The following SGPP2 variants were observed in gnomAD, a reference collection of about 807,000 sequenced individuals.
SGPP2 encodes the protein sphingosine 1-phosphate phosphohydrolase 2.
In SGPP2, 30 loss-of-function variants were observed where a neutral mutation model predicts 33.9. That is an observed-to-expected ratio of 0.89 (90% CI 0.66 to 1.20). SGPP2 has a LOEUF of 1.20. Among genes scored for constraint, SGPP2 ranks in the 50% most tolerant of loss-of-function variants. The probability of loss-of-function intolerance (pLI) is 0.00; values close to 1 mark genes in which losing one functional copy is unlikely to be tolerated. For synonymous variants in SGPP2, 233 were observed against 225.0 expected (o/e 1.04, Z -0.32); for missense variants, 458 against 532.1 (o/e 0.86, Z 1.37).
intron 2 of SGPP2, among the ~76,000 whole-genome samples, chr2:222,499,748 T>G (rs1698338668): frequency 6.6e-6 from 1 of 152,182 alleles, no homozygotes. Context: ...CAATTCAGTG[T>G]CATGTGAGTT....
chr2:222,424,730 C>T lies in SGPP2; in HGVS notation c.128C>T (p.Ala43Val). 2 of 1,432,516 alleles carry T rather than the reference C, an allele frequency of 1.4e-6. No homozygotes were observed. Among genetic ancestry groups the T allele is most frequent in the Non-Finnish European group, 1.8e-6 (2 of 1,094,442 alleles). 88.7% of individuals were successfully genotyped at this position (1,432,516 alleles called of 1,614,324 possible). Reference sequence around the variant, plus strand: ...GGCGCGGACCCCACGGAGCGCGCGGCGCGGGTCCCCGGGGTCGAGCATCTC... The same window carrying T: ...GGCGCGGACCCCACGGAGCGCGCGGTGCGGGTCCCCGGGGTCGAGCATCTC... Reference protein sequence around the residue: ...ENGADPTERAARVPGVEHLPA... With the variant: ...ENGADPTERAVRVPGVEHLPA... The change falls in exon 1 of 5, where the codon GCG becomes GTG. Residue 43 changes from alanine to valine, a missense_variant. Coordinates refer to ENST00000321276, the MANE Select transcript of SGPP2 (RefSeq NM_152386.4).
chr2:222,482,691 A>T (rs1698046955), intron 2 of SGPP2, among the ~76,000 whole-genome samples: 1 of 152,098 alleles, frequency 6.6e-6, no homozygotes, highest in African/African-American at 2.4e-5. Context: ...TTCAGTTCAG[A>T]TTTTCAAGAC....
At position 222,550,344 on chromosome 2, in the gene SGPP2, TTCC is replaced by T. The variant is rs1689272200; in HGVS notation, c.649-7998_649-7996del. 6.6e-6 allele frequency among the ~76,000 whole-genome samples: 1 copy of T among 152,238 alleles called. No homozygotes were observed. The highest frequency in any genetic ancestry group is 1.5e-5 in the Non-Finnish European group (1 of 68,046). ...CTTTGATTTTCACATTCTGATTTTT[TTCC>T]TCCTTGATTTCATTTTATTATAATA... On this transcript the variant is annotated intron_variant, in intron 4 of 4. Transcript: ENST00000321276. This position sits in a 1 kb window ranked among gnomAD's most constrained non-coding sequence, Gnocchi z 4.5.
chr2:222,438,097 G>A (rs909718887), intron 1 of SGPP2, among the ~76,000 whole-genome samples: 2 of 152,232 alleles, frequency 1.3e-5, no homozygotes, highest in Non-Finnish European at 2.9e-5. Context: ...ACACCCAAAT[G>A]AGGGATATGT....
At chr2:222,540,434 T>C (rs984796726) in intron 4 of SGPP2, among the ~76,000 whole-genome samples, 5 of 152,232 alleles carry the variant, frequency 3.3e-5, no homozygotes, top group African/African-American at 1.2e-4. Context: ...TGCATAAATA[T>C]CAGTGTATTA....
rs1186713027 is a variant in SGPP2, at chr2:222,477,831, G to T, written c.378+3105G>T. ...TTATTGGTGGTTATTTTCTGCTTCG[G>T]ATTCCTCACTTCAAAGCGTCAGAGT... is the stretch of plus-strand genomic sequence containing the variant. On this transcript the variant is annotated intron_variant, in intron 2 of 4. Transcript: ENST00000321276. The surrounding 1 kb of genome is among the most constrained non-coding windows in gnomAD (Gnocchi z 6.0). Among the ~76,000 whole-genome samples the T allele has an allele frequency of 6.6e-6, 1 of 152,098 alleles. No individual in the cohort carries two copies. The highest frequency in any genetic ancestry group is 1.5e-5 in the Non-Finnish European group (1 of 68,016).
intron 2 of SGPP2, among the ~76,000 whole-genome samples, chr2:222,499,033 TTTGAA>T (rs1269092490): frequency 2.0e-5 from 3 of 152,260 alleles, no homozygotes; most frequent in African/African-American, 7.2e-5. Context: ...CAAAGCCATC[TTTGAA>T]TTGGTCTTTT....
intron 1 of SGPP2, among the ~76,000 whole-genome samples, chr2:222,463,438 C>A (rs1574843477): frequency 1.3e-5 from 2 of 152,080 alleles, no homozygotes; most frequent in East Asian, 1.9e-4. Flanking sequence ...AAGGCCCTGT[C>A]TCTACAAAAT....
In SGPP2 at chr2:222,460,155, A is replaced by T. The variant is rs1697637444; in HGVS notation, c.220-14413A>T. 6.7e-6 allele frequency among the ~76,000 whole-genome samples: 1 copy of T among 149,174 alleles called. No individual in the cohort carries two copies. Among genetic ancestry groups the T allele is most frequent in the Non-Finnish European group, 1.5e-5 (1 of 68,010 alleles). ...GTGGCATTCAGTTGCCATCCACAGAAGAAGGACTCACTTTCTCTGGGTTTT... is the reference window on the plus strand; with the variant it reads ...GTGGCATTCAGTTGCCATCCACAGATGAAGGACTCACTTTCTCTGGGTTTT... On this transcript the variant is annotated intron_variant, in intron 1 of 4. Coordinates refer to ENST00000321276, the MANE Select transcript of SGPP2 (RefSeq NM_152386.4). The surrounding 1 kb of genome is among the most constrained non-coding windows in gnomAD (Gnocchi z 4.3).
At chr2:222,491,172 T>C (rs923764241) in intron 2 of SGPP2, among the ~76,000 whole-genome samples, 7 of 152,118 alleles carry the variant, frequency 4.6e-5, no homozygotes, top group African/African-American at 1.2e-4. Context: ...TCTTGATCTG[T>C]CACCCAGGCT....
At chr2:222,520,363 T>G (rs907354005) in intron 2 of SGPP2, among the ~76,000 whole-genome samples, 1 of 152,068 alleles carries the variant, frequency 6.6e-6, no homozygotes, top group Non-Finnish European at 1.5e-5. Flanking sequence ...AATTCTGATT[T>G]CTATCTTCTG....
At chr2:222,495,938 C>T (rs369101320) in intron 2 of SGPP2, among the ~76,000 whole-genome samples, 11 of 152,174 alleles carry the variant, frequency 7.2e-5, no homozygotes, top group East Asian at 5.8e-4. Context: ...GACCCACCTT[C>T]ACCTTCCATT....
intron 2 of SGPP2, among the ~76,000 whole-genome samples, chr2:222,497,526 C>T (rs139289118): frequency 1.6e-3 from 239 of 152,282 alleles, no homozygotes; most frequent in Admixed American, 0.012. Flanking sequence ...GGATTACAGG[C>T]ACGAGCCACC....
chr2:222,551,282 G>A (rs918259437), intron 4 of SGPP2, among the ~76,000 whole-genome samples: 2 of 151,972 alleles, frequency 1.3e-5, no homozygotes, highest in South Asian at 2.1e-4. Flanking sequence ...CTGTAGAACC[G>A]TGAACCGTTT....
At chr2:222,424,899 G>A (rs1697037490) in intron 1 of SGPP2, 78 bp downstream of exon 1, 14 of 1,154,024 alleles carry the variant, frequency 1.2e-5, no homozygotes, top group Non-Finnish European at 1.5e-5. Flanking sequence ...TCCGCCACGC[G>A]GGGCCGGCCG....
chr2:222,507,008 C>T (rs1698454995), intron 2 of SGPP2, among the ~76,000 whole-genome samples: 1 of 152,136 alleles, frequency 6.6e-6, no homozygotes, highest in Non-Finnish European at 1.5e-5. Context: ...GAGAAAACCT[C>T]CAACCCCAGC....
In SGPP2 at chr2:222,559,159, GCGCCC is replaced by G. The variant is rs1388794658; in HGVS notation, c.*263_*267del. 11 of 25,918 alleles carry G rather than the reference GCGCCC, an allele frequency of 4.2e-4. No homozygotes were observed. Among genetic ancestry groups the G allele is most frequent in the Middle Eastern group, 0.017 (1 of 60 alleles). 1.6% of individuals were successfully genotyped at this position (25,918 alleles called of 1,614,324 possible). A position where few individuals can be genotyped will look rare whatever the true frequency, so the allele number is the denominator to read the frequency against. ...ATCCGGATCTTTAAAGGCACACACC[GCGCCC>G]CCCCCCCCCCCGCCCGGCCCCTGCT... On this transcript the variant is annotated 3_prime_UTR_variant, in exon 5 of 5. Coordinates refer to ENST00000321276, the MANE Select transcript of SGPP2 (RefSeq NM_152386.4).
intron 1 of SGPP2, among the ~76,000 whole-genome samples, chr2:222,449,168 TAC>T (rs1697442338): frequency 6.6e-6 from 1 of 152,194 alleles, no homozygotes; most frequent in Admixed American, 6.5e-5. Context: ...TCTCCCTTTC[TAC>T]CCATCTGGTC....
chr2:222,496,677 C>T (rs749641565), intron 2 of SGPP2, among the ~76,000 whole-genome samples: 1 of 152,108 alleles, frequency 6.6e-6, no homozygotes, highest in Non-Finnish European at 1.5e-5. Flanking sequence ...CTGGTGAGAC[C>T]CCCCCGCCAT....
Sources: allele counts gnomAD v4.1 joint callset (sites outside exome capture counted in the v4.1 genomes callset), GRCh38; gene constraint gnomAD v4.1.1; non-coding constraint Gnocchi (gnomAD v3.1); transcripts MANE v1.5; gene names NCBI Gene and HGNC (gene_info 2026-07-23, HGNC 2026-07-21).